The following ADCK1 variants were observed in gnomAD, a reference collection of about 807,000 sequenced individuals.
ADCK1 encodes aarF domain-containing protein kinase 1.
In ADCK1, 41 loss-of-function variants were observed where a neutral mutation model predicts 52.3. The ratio of observed to expected loss-of-function variants is 0.78; its 90% CI spans 0.61 to 1.02. ADCK1 has a LOEUF of 1.02. ADCK1 is among the 50% of genes least tolerant of loss of function. ADCK1 has a pLI of 0.00. For synonymous variants in ADCK1, 250 were observed against 274.6 expected, an observed-to-expected ratio of 0.91 and a Z score of 0.89; for missense variants, 658 against 679.5, an observed-to-expected ratio of 0.97 and a Z score of 0.35.
At chr14:77,823,120 G>A (rs891659631) in intron 3 of ADCK1, among the ~76,000 whole-genome samples, 2 of 152,190 alleles carry the variant, frequency 1.3e-5, no homozygotes, top group East Asian at 1.9e-4. Flanking sequence ...ACTTGGAACA[G>A]GGTAGTTGAT....
chr14:77,838,640 C>T (rs144711598), intron 3 of ADCK1, among the ~76,000 whole-genome samples: 257 of 152,294 alleles, frequency 1.7e-3, no homozygotes, highest in African/African-American at 5.6e-3. Context: ...TCAAGCTATC[C>T]ACCTGCCTTG....
chr14:77,812,666 T>C (rs12884521), intron 1 of ADCK1, among the ~76,000 whole-genome samples: 86,530 of 151,860 alleles, frequency 0.57, 25,695 homozygotes, highest in Middle Eastern at 0.68. Context: ...CTTAGCTCAC[T>C]GCAACTTCTG....
At chr14:77,886,960 CTCTCTCTCTCTT>C (rs1243374049) in intron 4 of ADCK1, 119 bp from the exon 5 acceptor site, 1 of 930,770 alleles carries the variant, frequency 1.1e-6, no homozygotes, top group Non-Finnish European at 1.5e-6. Context: ...CACACACACA[CTCTCTCTCTCTT>C]TCTCTCTCAA....
intron 10 of ADCK1, 84 bp from the exon 11 acceptor site, chr14:77,933,136 C>T (rs765485866): frequency 6.9e-7 from 1 of 1,454,120 alleles, no homozygotes; most frequent in East Asian, 2.4e-5. Flanking sequence ...CCAAAGCCAC[C>T]ATCTTTAGTT....
intron 3 of ADCK1, among the ~76,000 whole-genome samples, chr14:77,832,097 C>T (rs2081865327): frequency 1.3e-5 from 2 of 152,134 alleles, no homozygotes; most frequent in South Asian, 4.1e-4. Flanking sequence ...TCTGCCTCAG[C>T]TTCCTGAGTA....
intron 7 of ADCK1, among the ~76,000 whole-genome samples, chr14:77,915,280 C>T (rs2083892900): frequency 1.3e-5 from 2 of 151,460 alleles, no homozygotes; most frequent in South Asian, 2.1e-4. Flanking sequence ...TGTGCTGCAC[C>T]CATTGACTCG....
chr14:77,871,971 G>A (rs1039300597), intron 4 of ADCK1, among the ~76,000 whole-genome samples: 6 of 152,192 alleles, frequency 3.9e-5, no homozygotes, highest in Non-Finnish European at 8.8e-5. Flanking sequence ...GCATTCCATG[G>A]CTCTTTGCAA....
chr14:77,835,147 G>A (rs1160558649), intron 3 of ADCK1, among the ~76,000 whole-genome samples: 1 of 152,194 alleles, frequency 6.6e-6, no homozygotes, highest in Non-Finnish European at 1.5e-5. Flanking sequence ...GTGCATAGAA[G>A]TATCCTTGGT....
chr14:77,860,856 G>A (rs776716642), intron 4 of ADCK1, among the ~76,000 whole-genome samples: 4 of 152,202 alleles, frequency 2.6e-5, no homozygotes, highest in Non-Finnish European at 4.4e-5. Context: ...CATTGCTGGC[G>A]TGTGGCAGCT....
At chr14:77,922,525 C>T (rs765094727) in intron 7 of ADCK1, among the ~76,000 whole-genome samples, 4 of 152,184 alleles carry the variant, frequency 2.6e-5, no homozygotes, top group African/African-American at 9.7e-5. Flanking sequence ...GTGGCATTCT[C>T]GTTTACCTTC....
At chr14:77,880,807 G>A (rs2083006290) in intron 4 of ADCK1, among the ~76,000 whole-genome samples, 2 of 152,190 alleles carry the variant, frequency 1.3e-5, no homozygotes, top group African/African-American at 4.8e-5. Context: ...GCCTTTGGAC[G>A]TCTCCTCATG....
At chr14:77,888,188 G>C (rs2140210855) in intron 5 of ADCK1, among the ~76,000 whole-genome samples, 1 of 152,230 alleles carries the variant, frequency 6.6e-6, no homozygotes, top group African/African-American at 2.4e-5. Context: ...GGTGACTCTT[G>C]AGATAGCCAG....
chr14:77,874,189 T>C (rs1288737532), intron 4 of ADCK1, among the ~76,000 whole-genome samples: 1 of 152,214 alleles, frequency 6.6e-6, no homozygotes, highest in East Asian at 1.9e-4. Context: ...GCTGCTTTGC[T>C]TGAGTTCTCT....
intron 3 of ADCK1, among the ~76,000 whole-genome samples, chr14:77,852,359 A>G (rs2082301194): frequency 1.3e-5 from 2 of 152,034 alleles, no homozygotes; most frequent in Non-Finnish European, 2.9e-5. Context: ...TACATCTGCA[A>G]GAACTTTTAT....
At chr14:77,931,481 C>T in intron 9 of ADCK1, 37 bp from the exon 10 acceptor site, 2 of 1,597,344 alleles carry the variant, frequency 1.3e-6, no homozygotes, top group Non-Finnish European at 1.7e-6. Flanking sequence ...ACTGCCCATA[C>T]CAACCATCTG....
At chr14:77,809,361 C>G (rs2140001184) in intron 1 of ADCK1, among the ~76,000 whole-genome samples, 1 of 151,726 alleles carries the variant, frequency 6.6e-6, no homozygotes, top group African/African-American at 2.4e-5. Flanking sequence ...TGGAGTTTGG[C>G]TCTTGTTGCC....
At chr14:77,866,411 G>A (rs1413004264) in intron 4 of ADCK1, among the ~76,000 whole-genome samples, 2 of 152,120 alleles carry the variant, frequency 1.3e-5, no homozygotes, top group Non-Finnish European at 2.9e-5. Context: ...CACTCTATCT[G>A]GTCAGCCTCT....
chr14:77,926,082 G>C, intron 9 of ADCK1, 121 bp downstream of exon 9: 1 of 1,186,650 alleles, frequency 8.4e-7, no homozygotes, highest in Non-Finnish European at 1.2e-6. Context: ...TGTTGGGGGA[G>C]GGGAAGAATT....
At chr14:77,834,370 G>A (rs748702929) in intron 3 of ADCK1, among the ~76,000 whole-genome samples, 1 of 152,188 alleles carries the variant, frequency 6.6e-6, no homozygotes, top group African/African-American at 2.4e-5. Context: ...GAGAAACAAG[G>A]CTGCAGCATC....
Sources: gnomAD v4.1 joint callset for allele counts (sites outside exome capture counted in the v4.1 genomes callset) on GRCh38, gnomAD v4.1.1 for gene constraint, MANE v1.5 for transcripts, NCBI Gene and HGNC (gene_info 2026-07-23, HGNC 2026-07-21) for gene names.